Variants in ZNF682 observed in about 807,000 individuals in gnomAD.
ZNF682 encodes zinc finger protein 682.
ZNF682 carries 29 observed loss-of-function variants against 36.5 expected under a neutral mutation model. That is an observed-to-expected ratio of 0.80 (90% CI 0.59 to 1.08). ZNF682 has a LOEUF of 1.08. ZNF682 is among the 50% of genes least tolerant of loss of function. The pLI is 0.00. For synonymous variants in ZNF682, 180 were observed against 197.0 expected, an observed-to-expected ratio of 0.91 and a Z score of 0.72; for missense variants, 561 against 579.7, an observed-to-expected ratio of 0.97 and a Z score of 0.33.
chr19:20,027,426 T>A (rs1250427714), intron 1 of ZNF682, among the ~76,000 whole-genome samples: 1 of 152,162 alleles, frequency 6.6e-6, no homozygotes. Flanking sequence ...CCTGCTCCCA[T>A]GAAAACCAAG....
At chr19:20,009,824 C>G (rs975003357) in intron 3 of ZNF682, among the ~76,000 whole-genome samples, 2 of 152,018 alleles carry the variant, frequency 1.3e-5, no homozygotes, top group African/African-American at 4.8e-5. Context: ...AGTTCAAGAC[C>G]ACCCTGGGCA....
Position 20,006,343 on chromosome 19 carries a change from G to A in ZNF682, c.1159C>T (p.His387Tyr). ...TTCTCTCCAGTGTGAATTCTCTTGT[G>A]TTTAGTAAGGTATGAGAACCTCTTA... ...VFKRFSYLTK[H>Y]KRIHTGEKPY... Residue 387 changes from histidine to tyrosine, a missense_variant, in exon 4 of 4, where the codon CAC (histidine) becomes TAC (tyrosine). Transcript: ENST00000397165. 1 of 1,613,412 alleles carries A rather than the reference G, an allele frequency of 6.2e-7. No homozygotes were observed. The highest frequency in any genetic ancestry group is 1.6e-4 in the Middle Eastern group (1 of 6,062).
Position 20,006,923 on chromosome 19 carries a change from T to C in ZNF682, c.579A>G (p.Ile193Met). 1 of 1,613,882 alleles carries C rather than the reference T, an allele frequency of 6.2e-7. No homozygotes were observed. Among genetic ancestry groups the C allele is most frequent in the African/African-American group, 1.3e-5 (1 of 75,064 alleles). The change falls in exon 4 of 4, where the codon ATA becomes ATG. Residue 193 changes from isoleucine to methionine, a missense_variant. By Grantham distance (10) the Ile-to-Met change is conservative (BLOSUM62 1). Transcript: ENST00000397165. ...TGCAGAGTTTCTCTTCAGTGTGAATTATCTTATGATAAGAAAGGCCTGAGT... is the reference window on the plus strand; with the variant it reads ...TGCAGAGTTTCTCTTCAGTGTGAATCATCTTATGATAAGAAAGGCCTGAGT... ...KSHSGLSYHK[I>M]IHTEEKLCIC...
chr19:20,033,197 T>C (rs2088495541), intron 1 of ZNF682, among the ~76,000 whole-genome samples: 1 of 151,956 alleles, frequency 6.6e-6, no homozygotes, highest in African/African-American at 2.4e-5. Flanking sequence ...CACTTGAACC[T>C]GGGAGGTGGA....
rs373888671 is a variant in ZNF682, at chr19:20,006,185, G to C, written c.1317C>G (p.His439Gln). 2 of 1,612,686 alleles carry C rather than the reference G, an allele frequency of 1.2e-6. No homozygotes were observed. The highest frequency in any genetic ancestry group is 2.2e-5 in the East Asian group (1 of 44,824). The change falls in exon 4 of 4, where the codon CAC (histidine) becomes CAG (glutamine). Residue 439 changes from histidine (H) to glutamine (Q), a missense_variant. His to Gln is a conservative substitution (Grantham distance 24). Coordinates refer to ENST00000397165, the MANE Select transcript of ZNF682 (RefSeq NM_033196.3). Reference protein sequence around the residue: ...ECGKAFNRCSHLTRHKKIHTA... With the variant: ...ECGKAFNRCSQLTRHKKIHTA... ...TATGAATTTTCTTATGTCTAGTAAGGTGTGAGCACCGATTAAAGGCTTTTC... is the reference window on the plus strand; with the variant it reads ...TATGAATTTTCTTATGTCTAGTAAGCTGTGAGCACCGATTAAAGGCTTTTC...
chr19:20,017,519 A>T (rs752607394), intron 3 of ZNF682, among the ~76,000 whole-genome samples: 1 of 152,212 alleles, frequency 6.6e-6, no homozygotes, highest in Non-Finnish European at 1.5e-5. Context: ...TAACACATAT[A>T]ACTGTTATAT....
chr19:20,022,127 G>A lies in ZNF682; in HGVS notation c.226+877C>T, dbSNP rs558033975. On this transcript the variant is annotated intron_variant, in intron 3 of 3. Transcript: ENST00000397165. ...AGAGGTTGCAGTGAGCCAAGATGGC[G>A]CCCTGCACTCCAGCCTGGGTGACAG... 3.4e-5 allele frequency among the ~76,000 whole-genome samples: 5 copies of A among 147,408 alleles called. No homozygotes were observed. The South Asian group carries it at 8.6e-4, about 25-fold the overall frequency.
intron 3 of ZNF682, chr19:20,015,665 A>T: frequency 2.6e-6 from 1 of 387,240 alleles, no homozygotes; most frequent in Non-Finnish European, 4.6e-6. Context: ...AAAAGCATAC[A>T]TTTTTGAATC....
chr19:20,005,843 T>C lies in ZNF682; in HGVS notation c.*162A>G. The C allele has an allele frequency of 1.4e-6, 1 of 705,202 alleles. No homozygotes were observed. Among genetic ancestry groups the C allele is most frequent in the Non-Finnish European group, 2.3e-6 (1 of 442,748 alleles). The allele number at this position is 705,202 out of a possible 1,614,324, so 43.7% of individuals were successfully genotyped here. On this transcript the variant is annotated 3_prime_UTR_variant, in exon 4 of 4. Transcript: ENST00000397165. Reference sequence around the variant, plus strand: ...TTTTCTCAGCATGAATTTTCTTCTGTGCAATAAGCTGTCAGCAATGGTTGA... The same window carrying C: ...TTTTCTCAGCATGAATTTTCTTCTGCGCAATAAGCTGTCAGCAATGGTTGA...
chr19:20,000,886 AG>A (rs2088163851), downstream of ZNF682, among the ~76,000 whole-genome samples: 1 of 152,158 alleles, frequency 6.6e-6, no homozygotes, highest in Non-Finnish European at 1.5e-5. Flanking sequence ...CTTTGGAAAA[AG>A]AGCAGGTGCC....
At chr19:20,026,334 T>C (rs2088431423) in intron 1 of ZNF682, among the ~76,000 whole-genome samples, 1 of 151,858 alleles carries the variant, frequency 6.6e-6, no homozygotes, top group African/African-American at 2.4e-5. Flanking sequence ...TGCATAGAGC[T>C]GATGGAACAT....
intron 3 of ZNF682, among the ~76,000 whole-genome samples, chr19:20,014,003 C>T (rs1343544826): frequency 6.6e-6 from 1 of 152,140 alleles, no homozygotes; most frequent in Non-Finnish European, 1.5e-5. Context: ...CTTAAGCATG[C>T]TCGTGTTCAA....
chr19:20,039,125 G>T, intron 1 of ZNF682: 1 of 1,389,952 alleles, frequency 7.2e-7, no homozygotes, highest in South Asian at 1.7e-5. Context: ...GGCGGGAAGC[G>T]GGAGAACGGA....
intron 1 of ZNF682, among the ~76,000 whole-genome samples, chr19:20,026,605 C>T (rs557617833): frequency 1.3e-5 from 2 of 152,226 alleles, no homozygotes; most frequent in South Asian, 4.1e-4. Flanking sequence ...AGCTGGACCA[C>T]AGGCACGTGC....
intron 3 of ZNF682, among the ~76,000 whole-genome samples, chr19:19,998,136 C>G (rs2088139335): frequency 6.6e-6 from 1 of 152,126 alleles, no homozygotes; most frequent in Non-Finnish European, 1.5e-5. Flanking sequence ...CCCTGAGGAC[C>G]AGTCTGAGGA....
chr19:20,018,440 A>C (rs1353841169), intron 3 of ZNF682, among the ~76,000 whole-genome samples: 3 of 152,222 alleles, frequency 2.0e-5, no homozygotes, highest in African/African-American at 7.2e-5. Context: ...CCCTTTAAAA[A>C]GAACAACAAA....
chr19:20,019,240 C>T (rs2088363489), intron 3 of ZNF682, among the ~76,000 whole-genome samples: 1 of 151,798 alleles, frequency 6.6e-6, no homozygotes, highest in Admixed American at 6.6e-5. Context: ...CTGTAACCAC[C>T]CCCCCAAAAA....
chr19:20,001,951 T>C (rs1488956188), downstream of ZNF682, among the ~76,000 whole-genome samples: 3 of 152,184 alleles, frequency 2.0e-5, no homozygotes, highest in Non-Finnish European at 2.9e-5. Context: ...AATGAATAAA[T>C]GGCAGAATTT....
rs2088456749 is a variant in ZNF682 at position 20,029,021 on chromosome 19, C to A, written c.4-4645G>T. The stretch of plus-strand genomic sequence containing the variant: ...GGAGATAGAGTCTTGCTGTGTTGCC[C>A]AGGCTGGAGGGCAGTGGCACGATCT... On this transcript the variant is annotated intron_variant, in intron 1 of 3. Transcript: ENST00000397165. Among the ~76,000 whole-genome samples the A allele has an allele frequency of 4.7e-5, 7 of 150,160 alleles. No individual in the cohort carries two copies. The South Asian group carries it at 1.5e-3, about 32-fold the overall frequency.
Sources: allele counts gnomAD v4.1 joint callset (sites outside exome capture counted in the v4.1 genomes callset), GRCh38; gene constraint gnomAD v4.1.1; transcripts MANE v1.5; gene names NCBI Gene and HGNC (gene_info 2026-07-23, HGNC 2026-07-21).